The following FOXP2 variants were observed in gnomAD, a reference collection of about 807,000 sequenced individuals.
FOXP2 encodes forkhead box protein P2.
FOXP2 carries 12 observed loss-of-function variants against 115.8 expected under a neutral mutation model. The ratio of observed to expected loss-of-function variants is 0.10; its 90% CI spans 0.07 to 0.17. The LOEUF is 0.17. Ranked by LOEUF, FOXP2 falls within the 10% of genes least tolerant of loss-of-function variation. The pLI, the probability that FOXP2 is intolerant of heterozygous loss-of-function variation, is 1.00. For synonymous variants in FOXP2, 328 were observed against 297.7 expected (o/e 1.10, Z -1.05); for missense variants, 629 against 843.5 (o/e 0.75, Z 3.15).
intron 3 of FOXP2, among the ~76,000 whole-genome samples, chr7:114,621,502 A>G (rs1804254534): frequency 6.6e-6 from 1 of 152,058 alleles, no homozygotes; most frequent in Non-Finnish European, 1.5e-5. Flanking sequence ...GTAATTGCTA[A>G]GTCGTTGGTA....
intron 1 of FOXP2, among the ~76,000 whole-genome samples, chr7:114,149,822 T>G (rs1291544113): frequency 1.3e-5 from 2 of 152,142 alleles, no homozygotes; most frequent in East Asian, 1.9e-4. Flanking sequence ...TTGAGTTGAA[T>G]TTTTTTCCTT....
At chr7:114,581,025 C>A (rs1024986464) in intron 3 of FOXP2, among the ~76,000 whole-genome samples, 7 of 150,906 alleles carry the variant, frequency 4.6e-5, no homozygotes, top group African/African-American at 1.7e-4. Flanking sequence ...AGTAGAGAAC[C>A]AGGAGCCAGC....
chr7:114,120,159 T>TA (rs993563974), intron 1 of FOXP2, among the ~76,000 whole-genome samples: 4 of 152,022 alleles, frequency 2.6e-5, no homozygotes, highest in Non-Finnish European at 5.9e-5. Flanking sequence ...GTAATTCACT[T>TA]AAAAAAAGAT....
intron 1 of FOXP2, among the ~76,000 whole-genome samples, chr7:114,421,928 A>T (rs1793640577): frequency 1.3e-5 from 2 of 151,780 alleles, no homozygotes; most frequent in African/African-American, 4.8e-5. Flanking sequence ...GAAGTTTTAA[A>T]TCACAGTCAA....
chr7:114,630,340 A>AG (rs1804833041), intron 5 of FOXP2, among the ~76,000 whole-genome samples: 1 of 152,170 alleles, frequency 6.6e-6, no homozygotes, highest in Non-Finnish European at 1.5e-5. Flanking sequence ...TCAGTGGTGC[A>AG]GCTCAGAGAA....
intron 1 of FOXP2, among the ~76,000 whole-genome samples, chr7:114,208,851 T>C (rs571183742): frequency 6.6e-6 from 1 of 152,254 alleles, no homozygotes; most frequent in Admixed American, 6.5e-5. Flanking sequence ...TTGTGAGGCC[T>C]CCCCAGCCAC....
At chr7:114,532,084 G>T (rs1198633510) in intron 2 of FOXP2, among the ~76,000 whole-genome samples, 1 of 151,846 alleles carries the variant, frequency 6.6e-6, no homozygotes, top group East Asian at 1.9e-4. Flanking sequence ...TTACTTGTTT[G>T]AGAAAGGTAG....
chr7:114,553,509 A>G (rs554182923), intron 3 of FOXP2, among the ~76,000 whole-genome samples: 68 of 152,280 alleles, frequency 4.5e-4, no homozygotes, highest in Admixed American at 3.9e-3. Flanking sequence ...TGCTCTCATT[A>G]ATTTTTCAAG....
intron 1 of FOXP2, among the ~76,000 whole-genome samples, chr7:114,152,554 A>G (rs1408414383): frequency 6.6e-6 from 1 of 152,160 alleles, no homozygotes; most frequent in Non-Finnish European, 1.5e-5. Context: ...TTGTCATTTC[A>G]TTAAACAAGA....
chr7:114,637,670 A>C (rs1805297704), intron 6 of FOXP2, among the ~76,000 whole-genome samples: 2 of 152,160 alleles, frequency 1.3e-5, no homozygotes, highest in African/African-American at 2.4e-5. Flanking sequence ...ATGATAAATA[A>C]GTTAAGTAAA....
chr7:114,664,109 T>A (rs1423613722), intron 15 of FOXP2, among the ~76,000 whole-genome samples, 164 bp from the exon 16 acceptor site: 1 of 152,202 alleles, frequency 6.6e-6, no homozygotes, highest in African/African-American at 2.4e-5. Flanking sequence ...TCCTTGCATC[T>A]CTGCCACAAG....
chr7:114,644,668 G>A lies in FOXP2; in HGVS notation c.990-17G>A, dbSNP rs200229512. 5.1e-5 allele frequency: 82 copies of A among 1,601,954 alleles called. 1 individual carries two copies. The African/African-American group carries it at 6.8e-4, about 13-fold the overall frequency. ...AGCTTTTTGAGATGAATCTGACGTC[G>A]TGTTCTTTTGCTACAGCTCGTCACA... On this transcript the variant is annotated splice_polypyrimidine_tract_variant and intron_variant, in intron 7 of 16. Coordinates refer to ENST00000350908, the MANE Select transcript of FOXP2 (RefSeq NM_014491.4).
intron 1 of FOXP2, among the ~76,000 whole-genome samples, chr7:114,131,537 C>G (rs368182649): frequency 1.3e-5 from 2 of 151,574 alleles, no homozygotes; most frequent in South Asian, 2.1e-4. Context: ...ATTAGTCGAG[C>G]CTGCTGCAAG....
intron 3 of FOXP2, 105 bp downstream of exon 3, chr7:114,534,811 C>T: frequency 1.2e-6 from 1 of 827,636 alleles, no homozygotes; most frequent in South Asian, 1.5e-5. Flanking sequence ...ATTACATTTG[C>T]ATATGTAGGT....
intron 1 of FOXP2, among the ~76,000 whole-genome samples, chr7:114,089,855 T>C (rs913639094): frequency 2.0e-5 from 3 of 152,032 alleles, no homozygotes; most frequent in Non-Finnish European, 2.9e-5. Context: ...ATTAGAATTA[T>C]ACTTCATGAA....
At chr7:114,222,419 G>C (rs961960050) in intron 1 of FOXP2, among the ~76,000 whole-genome samples, 1 of 152,084 alleles carries the variant, frequency 6.6e-6, no homozygotes, top group African/African-American at 2.4e-5. Flanking sequence ...CAAAATGCTG[G>C]GATTACAGGC....
chr7:114,434,906 A>G (rs570241112), intron 2 of FOXP2, among the ~76,000 whole-genome samples: 2 of 152,158 alleles, frequency 1.3e-5, no homozygotes, highest in African/African-American at 4.8e-5. Context: ...ATTTTAAGAA[A>G]AATCTTTCGT....
chr7:114,424,679 A>C (rs1036639129), intron 1 of FOXP2, among the ~76,000 whole-genome samples: 6 of 151,472 alleles, frequency 4.0e-5, no homozygotes, highest in Non-Finnish European at 8.9e-5. Flanking sequence ...ATCAGTTTTA[A>C]TTTATATGAT....
intron 1 of FOXP2, among the ~76,000 whole-genome samples, chr7:114,226,739 A>G (rs1239960688): frequency 6.6e-6 from 1 of 151,998 alleles, no homozygotes; most frequent in Non-Finnish European, 1.5e-5. Context: ...AAATATCATT[A>G]TTATGTCTTT....
Sources: allele counts gnomAD v4.1 joint callset (sites outside exome capture counted in the v4.1 genomes callset), GRCh38; gene constraint gnomAD v4.1.1; transcripts MANE v1.5; gene names NCBI Gene and HGNC (gene_info 2026-07-23, HGNC 2026-07-21).